Variants in ST6GALNAC5 observed in about 807,000 individuals in gnomAD.
ST6GALNAC5 encodes alpha-N-acetylgalactosaminide alpha-2,6-sialyltransferase 5.
In ST6GALNAC5, 27 loss-of-function variants were observed where a neutral mutation model predicts 33.6. The observed-to-expected ratio is 0.80, with a 90% CI of 0.59 to 1.11. ST6GALNAC5 has a LOEUF of 1.11. Ranked by LOEUF, ST6GALNAC5 falls within the 50% of genes least tolerant of loss-of-function variation. The pLI is 0.00. For synonymous variants in ST6GALNAC5, 194 were observed against 171.2 expected, an observed-to-expected ratio of 1.13 and a Z score of -1.04; for missense variants, 428 against 454.0, an observed-to-expected ratio of 0.94 and a Z score of 0.52.
chr1:76,964,898 G>A (rs1648394433), intron 2 of ST6GALNAC5, among the ~76,000 whole-genome samples: 1 of 152,072 alleles, frequency 6.6e-6, no homozygotes, highest in African/African-American at 2.4e-5. Context: ...CAGAATGATG[G>A]TTTCCAGCTG....
chr1:76,908,658 G>T (rs1646885608), intron 2 of ST6GALNAC5, among the ~76,000 whole-genome samples: 1 of 152,060 alleles, frequency 6.6e-6, no homozygotes, highest in Non-Finnish European at 1.5e-5. Flanking sequence ...TTGCCTGTGT[G>T]CTTCCCTAGC....
chr1:76,959,693 C>G (rs543744787), intron 2 of ST6GALNAC5, among the ~76,000 whole-genome samples: 39 of 152,314 alleles, frequency 2.6e-4, no homozygotes, highest in Non-Finnish European at 4.6e-4. Flanking sequence ...AACGGCCCAT[C>G]AAATCTGGCT....
chr1:76,930,921 G>C (rs960784786), intron 2 of ST6GALNAC5, among the ~76,000 whole-genome samples: 1 of 152,128 alleles, frequency 6.6e-6, no homozygotes, highest in Non-Finnish European at 1.5e-5. Flanking sequence ...CTTGTCTCCT[G>C]GTGTTCACAC....
chr1:76,929,684 A>G (rs1647119772), intron 2 of ST6GALNAC5, among the ~76,000 whole-genome samples: 1 of 152,186 alleles, frequency 6.6e-6, no homozygotes. Flanking sequence ...GTCTGAATTG[A>G]GAGGTGCTGT....
At chr1:77,007,287 G>T (rs1650460350) in intron 2 of ST6GALNAC5, among the ~76,000 whole-genome samples, 1 of 152,184 alleles carries the variant, frequency 6.6e-6, no homozygotes, top group African/African-American at 2.4e-5. Context: ...GCATAATCAT[G>T]TCTGAAGTTG....
chr1:76,878,176 GT>G (rs745688045), intron 2 of ST6GALNAC5, among the ~76,000 whole-genome samples: 9 of 152,168 alleles, frequency 5.9e-5, no homozygotes, highest in African/African-American at 7.2e-5. Context: ...ATGCGATATT[GT>G]TTTTGATTTA....
chr1:76,946,663 C>T (rs569307833), intron 2 of ST6GALNAC5, among the ~76,000 whole-genome samples: 17 of 152,200 alleles, frequency 1.1e-4, no homozygotes, highest in Non-Finnish European at 1.8e-4. Context: ...GTGGTCTGTA[C>T]ATGATAAATT....
chr1:76,985,669 T>C (rs188279240), intron 2 of ST6GALNAC5, among the ~76,000 whole-genome samples: 56 of 152,238 alleles, frequency 3.7e-4, no homozygotes, highest in African/African-American at 1.3e-3. Flanking sequence ...TTAAAGTTCA[T>C]ATGAAGCAAA....
At chr1:76,908,363 T>C (rs1186383037) in intron 2 of ST6GALNAC5, among the ~76,000 whole-genome samples, 1 of 152,140 alleles carries the variant, frequency 6.6e-6, no homozygotes, top group Admixed American at 6.6e-5. Context: ...AGCAGCTCTC[T>C]GGAGCCTCTT....
At position 76,910,531 on chromosome 1, in the gene ST6GALNAC5, G is replaced by C. The variant is rs146441083; in HGVS notation, c.261+41789G>C. Among the ~76,000 whole-genome samples the C allele has an allele frequency of 4.9e-3, 745 of 152,118 alleles. 7 individuals carry two copies. Among genetic ancestry groups the C allele is most frequent in the African/African-American group, 0.017 (708 of 41,536 alleles). ...ATGTTTTTGACTGTTCTAACTCAGA[G>C]ATTTGGAAATCTTGGTTTTAAAATA... On this transcript the variant is annotated intron_variant, in intron 2 of 4. Transcript: ENST00000477717.
chr1:77,067,416 A>G lies in ST6GALNAC5; in HGVS notation c.*4210A>G, dbSNP rs1288910728. ...CGTCTTTTTATGCATGTGTCCTGTT[A>G]GTCTAATTAGATTGTAAGCTCCTTG... On this transcript the variant is annotated 3_prime_UTR_variant, in exon 5 of 5. Transcript: ENST00000477717. Among the ~76,000 whole-genome samples the G allele has an allele frequency of 6.6e-6, 1 of 152,134 alleles. No individual in the cohort carries two copies. Among genetic ancestry groups the G allele is most frequent in the African/African-American group, 2.4e-5 (1 of 41,426 alleles).
At chr1:76,867,750 C>G in intron 1 of ST6GALNAC5, 60 bp downstream of exon 1, 1 of 1,613,332 alleles carries the variant, frequency 6.2e-7, no homozygotes, top group South Asian at 1.1e-5. Flanking sequence ...TCAGGGTCCA[C>G]GGGACGCACC....
intron 2 of ST6GALNAC5, among the ~76,000 whole-genome samples, chr1:76,973,785 C>T (rs1330402063): frequency 2.0e-5 from 3 of 152,122 alleles, no homozygotes; most frequent in East Asian, 1.9e-4. Flanking sequence ...TGTAACCAGA[C>T]TCAATTGTCC....
In ST6GALNAC5 at chr1:77,005,328, A is replaced by G. The variant is rs147581937; in HGVS notation, c.262-38876A>G. Among the ~76,000 whole-genome samples the G allele has an allele frequency of 6.3e-3, 953 of 152,314 alleles. 11 individuals carry two copies. The highest frequency in any genetic ancestry group is 0.021 in the African/African-American group (879 of 41,564). ...ACCCTTGCGCTTCCCAAGTGAGGCA[A>G]TGCCTCGCCCTGCTTCGGCTCGCGC... On this transcript the variant is annotated intron_variant, in intron 2 of 4. Transcript: ENST00000477717.
chr1:76,994,233 A>G (rs1649841369), intron 2 of ST6GALNAC5, among the ~76,000 whole-genome samples: 1 of 152,232 alleles, frequency 6.6e-6, no homozygotes, highest in Admixed American at 6.5e-5. Context: ...TAAAGATGTT[A>G]GAAGAAAATC....
intron 2 of ST6GALNAC5, among the ~76,000 whole-genome samples, chr1:76,997,453 G>C (rs1448317701): frequency 1.3e-5 from 2 of 152,118 alleles, no homozygotes; most frequent in Non-Finnish European, 2.9e-5. Context: ...AACTTCTGTA[G>C]AAAGTTTCCA....
At chr1:77,036,990 C>T (rs377531912) in intron 2 of ST6GALNAC5, among the ~76,000 whole-genome samples, 4 of 152,160 alleles carry the variant, frequency 2.6e-5, no homozygotes, top group Admixed American at 6.5e-5. Flanking sequence ...TGAGGTAACA[C>T]GTGGAAAAGT....
Position 76,897,945 on chromosome 1 carries a change from A to C in ST6GALNAC5, c.261+29203A>C, listed in dbSNP as rs140058159. On this transcript the variant is annotated intron_variant, in intron 2 of 4. Coordinates refer to ENST00000477717, the MANE Select transcript of ST6GALNAC5 (RefSeq NM_030965.3). ...AGCCTCCATATTGATTAAGAAGAGG[A>C]CGGACTTACTTTCCACTGTGAGAGT... 1.1e-3 allele frequency among the ~76,000 whole-genome samples: 160 copies of C among 152,222 alleles called. 3 individuals carry two copies. In the East Asian group the frequency reaches 0.026, roughly 25 times the overall value.
chr1:76,958,969 C>A (rs750351176), intron 2 of ST6GALNAC5, among the ~76,000 whole-genome samples: 2 of 152,174 alleles, frequency 1.3e-5, no homozygotes, highest in Non-Finnish European at 2.9e-5. Flanking sequence ...TTTATCTGTG[C>A]TCTTCCACTT....
Sources: allele counts gnomAD v4.1 joint callset (sites outside exome capture counted in the v4.1 genomes callset), GRCh38; gene constraint gnomAD v4.1.1; transcripts MANE v1.5; gene names NCBI Gene and HGNC (gene_info 2026-07-23, HGNC 2026-07-21).